Variants in PPP2R2B observed in about 807,000 individuals in gnomAD.
PPP2R2B encodes the protein protein phosphatase 2 regulatory subunit Bbeta.
PPP2R2B carries 5 observed loss-of-function variants against 46.0 expected under a neutral mutation model. The ratio of observed to expected loss-of-function variants is 0.11; its 90% CI spans 0.06 to 0.23. The LOEUF (loss-of-function observed/expected upper bound fraction) is 0.23. Ranked by LOEUF, PPP2R2B falls within the 10% of genes least tolerant of loss-of-function variation. The pLI, the probability that PPP2R2B is intolerant of heterozygous loss-of-function variation, is 1.00. For synonymous variants in PPP2R2B, 215 were observed against 206.7 expected (o/e 1.04, Z -0.34); for missense variants, 367 against 575.0 (o/e 0.64, Z 3.70).
At chr5:147,034,195 C>A (rs1755928718) in intron 1 of PPP2R2B, among the ~76,000 whole-genome samples, 2 of 152,104 alleles carry the variant, frequency 1.3e-5, no homozygotes, top group South Asian at 4.1e-4. Context: ...TCTAGAAGAT[C>A]CTCTCCCCTG....
chr5:146,735,692 G>A (rs1257396286), intron 2 of PPP2R2B, among the ~76,000 whole-genome samples: 1 of 152,168 alleles, frequency 6.6e-6, no homozygotes, highest in East Asian at 1.9e-4. Context: ...AGTCAACGCT[G>A]AGGGACACTT....
intron 2 of PPP2R2B, among the ~76,000 whole-genome samples, chr5:146,720,128 G>C (rs1780713391): frequency 6.6e-6 from 1 of 152,160 alleles, no homozygotes; most frequent in Non-Finnish European, 1.5e-5. Context: ...ACTGTTGAGT[G>C]GTATCCTCTG....
At chr5:146,804,329 G>A (rs1022887994) in intron 2 of PPP2R2B, among the ~76,000 whole-genome samples, 5 of 152,052 alleles carry the variant, frequency 3.3e-5, no homozygotes, top group African/African-American at 1.2e-4. Context: ...AAAGATGAGA[G>A]GAATCCGATG....
At chr5:146,828,425 T>C (rs1758714879) in intron 2 of PPP2R2B, among the ~76,000 whole-genome samples, 1 of 152,194 alleles carries the variant, frequency 6.6e-6, no homozygotes, top group Non-Finnish European at 1.5e-5. Flanking sequence ...AGAATGTTCC[T>C]TATTTATAGA....
At chr5:146,907,005 G>C (rs1763022403) in intron 1 of PPP2R2B, among the ~76,000 whole-genome samples, 1 of 152,154 alleles carries the variant, frequency 6.6e-6, no homozygotes, top group Non-Finnish European at 1.5e-5. Context: ...GCGCTGCAGG[G>C]ACAGAGGCCT....
At chr5:146,934,584 A>G (rs1175187518) in intron 1 of PPP2R2B, among the ~76,000 whole-genome samples, 4 of 75,206 alleles carry the variant, frequency 5.3e-5, no homozygotes, top group Non-Finnish European at 1.0e-4. Context: ...TTTTCATAAG[A>G]AAAAAAAAAA....
chr5:146,743,653 T>A (rs1753008922), intron 2 of PPP2R2B, among the ~76,000 whole-genome samples: 1 of 152,208 alleles, frequency 6.6e-6, no homozygotes, highest in Non-Finnish European at 1.5e-5. Flanking sequence ...CCCTTTCAGA[T>A]TCAGTTTAAA....
At chr5:146,784,134 T>G (rs898289930) in intron 2 of PPP2R2B, among the ~76,000 whole-genome samples, 3 of 152,226 alleles carry the variant, frequency 2.0e-5, no homozygotes, top group Admixed American at 6.5e-5. Context: ...ATAATAACAT[T>G]GAATGTTTCA....
chr5:146,706,967 CT>C, intron 2 of PPP2R2B: 1 of 1,033,642 alleles, frequency 9.7e-7, no homozygotes, highest in Non-Finnish European at 1.5e-6. Context: ...ATCGTCAGCC[CT>C]TCCAGGCAAG....
At position 146,896,740 on chromosome 5, in the gene PPP2R2B, C is replaced by T. The variant is rs1191583015; in HGVS notation, c.79+158925G>A. Among the ~76,000 whole-genome samples the T allele has an allele frequency of 5.3e-5, 8 of 151,944 alleles. No homozygotes were observed. The East Asian group carries it at 1.5e-3, about 29-fold the overall frequency. ...TGTTATTCAGAACATTACACACCTA[C>T]ACACATCAAATAAAACTGAATATTC... On this transcript the variant is annotated intron_variant, in intron 1 of 8. Coordinates refer to the PPP2R2B transcript ENST00000336640.
intron 1 of PPP2R2B, among the ~76,000 whole-genome samples, chr5:146,993,765 T>G (rs563913062): frequency 6.6e-6 from 1 of 152,246 alleles, no homozygotes; most frequent in Non-Finnish European, 1.5e-5. Context: ...ATCATAACTG[T>G]CATCATTGTC....
In PPP2R2B at chr5:146,757,686, T is replaced by C. The variant is rs72813708; in HGVS notation, c.71-56544A>G. On this transcript the variant is annotated intron_variant, in intron 2 of 9. Coordinates refer to ENST00000394411, the MANE Select transcript of PPP2R2B (RefSeq NM_181675.4). The stretch of plus-strand genomic sequence containing the variant: ...CTCTGAAATCTGTACAAACATGCGA[T>C]ATGGGGGAAGGAAAGAATACAAGAA... Among the ~76,000 whole-genome samples the C allele has an allele frequency of 4.6e-3, 706 of 152,214 alleles. 7 individuals carry two copies. Among genetic ancestry groups the C allele is most frequent in the Non-Finnish European group, 5.9e-3 (398 of 68,004 alleles).
chr5:146,750,516 G>T (rs991367713), intron 2 of PPP2R2B, among the ~76,000 whole-genome samples: 1 of 152,162 alleles, frequency 6.6e-6, no homozygotes. Context: ...TTAAGAACAT[G>T]CAGGCTTCTT....
chr5:146,723,061 T>C (rs1751626512), intron 2 of PPP2R2B, among the ~76,000 whole-genome samples: 1 of 152,232 alleles, frequency 6.6e-6, no homozygotes, highest in Admixed American at 6.5e-5. Context: ...CTGGGTTAGA[T>C]GCCCATTTTA....
At chr5:146,875,606 A>T (rs944040863) in intron 2 of PPP2R2B, among the ~76,000 whole-genome samples, 2 of 152,200 alleles carry the variant, frequency 1.3e-5, no homozygotes, top group Non-Finnish European at 2.9e-5. Context: ...AAAATTCAGA[A>T]ATACATGTGA....
intron 2 of PPP2R2B, among the ~76,000 whole-genome samples, chr5:146,802,778 A>C (rs1410292390): frequency 6.6e-6 from 1 of 152,144 alleles, no homozygotes; most frequent in Non-Finnish European, 1.5e-5. Flanking sequence ...TCTTTCCATA[A>C]AGGACATGTT....
intron 7 of PPP2R2B, among the ~76,000 whole-genome samples, chr5:146,630,204 C>T (rs1370174147): frequency 6.6e-6 from 1 of 152,214 alleles, no homozygotes; most frequent in Admixed American, 6.5e-5. Flanking sequence ...GTTTCCTCCT[C>T]TGTTAGGGCC....
chr5:146,635,875 A>T (rs1227644688), intron 7 of PPP2R2B, among the ~76,000 whole-genome samples: 2 of 152,224 alleles, frequency 1.3e-5, no homozygotes, highest in Non-Finnish European at 2.9e-5. Flanking sequence ...CTTATCCTCA[A>T]GGCATTTACT....
At chr5:146,782,568 C>T (rs747893127) in intron 2 of PPP2R2B, among the ~76,000 whole-genome samples, 1 of 152,168 alleles carries the variant, frequency 6.6e-6, no homozygotes. Flanking sequence ...TTTGCTCTCT[C>T]TTGATTTTTA....
Sources: gnomAD v4.1 joint callset for allele counts (sites outside exome capture counted in the v4.1 genomes callset) on GRCh38, gnomAD v4.1.1 for gene constraint, MANE v1.5 for transcripts, NCBI Gene and HGNC (gene_info 2026-07-23, HGNC 2026-07-21) for gene names.